The following DNAJC6 variants were observed in gnomAD, a reference collection of about 807,000 sequenced individuals.
The protein encoded by DNAJC6 is auxilin.
DNAJC6 carries 34 observed loss-of-function variants against 110.0 expected under a neutral mutation model. The ratio of observed to expected loss-of-function variants is 0.31; its 90% CI spans 0.24 to 0.41. The LOEUF (loss-of-function observed/expected upper bound fraction) is 0.41. Ranked by LOEUF, DNAJC6 falls within the 10% of genes least tolerant of loss-of-function variation. The pLI is 1.00. For missense variants in DNAJC6, 1,031 were observed against 1,207.8 expected (o/e 0.85, Z 2.17); for synonymous variants, 406 against 437.2 (o/e 0.93, Z 0.89).
chr1:65,284,235 A>G (rs1416740428), intron 1 of DNAJC6, among the ~76,000 whole-genome samples: 2 of 152,082 alleles, frequency 1.3e-5, no homozygotes, highest in African/African-American at 4.8e-5. Flanking sequence ...GTCTTCTCTC[A>G]GAGAGGACCT....
At chr1:65,402,893 ATAT>A (rs1296810847) in intron 15 of DNAJC6, among the ~76,000 whole-genome samples, 12 of 152,220 alleles carry the variant, frequency 7.9e-5, no homozygotes, top group Non-Finnish European at 1.5e-4. Flanking sequence ...TTTTAAAGTA[ATAT>A]TATATCAGAT....
intron 4 of DNAJC6, among the ~76,000 whole-genome samples, chr1:65,371,231 A>G (rs574259868): frequency 1.3e-5 from 2 of 152,298 alleles, no homozygotes; most frequent in Admixed American, 6.5e-5. Context: ...ATGAAGCCAT[A>G]TAGTGTATAC....
At chr1:65,329,157 T>G (rs1399733582) in intron 1 of DNAJC6, among the ~76,000 whole-genome samples, 1 of 152,356 alleles carries the variant, frequency 6.6e-6, no homozygotes, top group African/African-American at 2.4e-5. Flanking sequence ...CTTTTGATCC[T>G]GCCTGCACTT....
intron 1 of DNAJC6, among the ~76,000 whole-genome samples, chr1:65,355,450 C>T (rs1314822877): frequency 5.3e-5 from 8 of 152,058 alleles, no homozygotes; most frequent in Admixed American, 5.2e-4. Flanking sequence ...GTGGCCTCTG[C>T]CTGCCAGTGC....
In DNAJC6 at chr1:65,381,182, G is replaced by T. The variant is rs569799735; in HGVS notation, c.666+1658G>T. On this transcript the variant is annotated intron_variant, in intron 5 of 18. Transcript: ENST00000371069. Reference sequence around the variant, plus strand: ...TCTGCCCGCCTTGGCCTCCCAAAGTGCTGGGATTACAGGCGTGACCCCACC... The same window carrying T: ...TCTGCCCGCCTTGGCCTCCCAAAGTTCTGGGATTACAGGCGTGACCCCACC... Among the ~76,000 whole-genome samples, 3 of 151,922 alleles carry T rather than the reference G, an allele frequency of 2.0e-5. No individual in the cohort carries two copies. In the East Asian group the frequency reaches 5.8e-4, roughly 30 times the overall value.
In DNAJC6 at chr1:65,281,864, T is replaced by C. The variant is rs1653856822; in HGVS notation, c.-131+16932T>C. 1.3e-5 allele frequency among the ~76,000 whole-genome samples: 2 copies of C among 152,174 alleles called. 1 individual carries two copies. Among genetic ancestry groups the C allele is most frequent in the Non-Finnish European group, 2.9e-5 (2 of 68,032 alleles). On this transcript the variant is annotated intron_variant, in intron 1 of 19. Coordinates refer to the DNAJC6 transcript ENST00000263441. Reference sequence around the variant, plus strand: ...ACCTCATGATCCACCCACCTCGGCCTCCCAAAGTTCTGGGACCACGGGCGT... The same window carrying C: ...ACCTCATGATCCACCCACCTCGGCCCCCCAAAGTTCTGGGACCACGGGCGT...
At chr1:65,399,723 TG>T (rs1479207885) in intron 14 of DNAJC6, among the ~76,000 whole-genome samples, 1 of 152,186 alleles carries the variant, frequency 6.6e-6, no homozygotes, top group Non-Finnish European at 1.5e-5. Flanking sequence ...CACCAGCCCC[TG>T]GCCACCACCC....
At chr1:65,411,728 G>C (rs192356765) in intron 18 of DNAJC6, among the ~76,000 whole-genome samples, 20 of 48,222 alleles carry the variant, frequency 4.1e-4, no homozygotes, top group East Asian at 5.3e-3. Flanking sequence ...CAGCACTTTG[G>C]GGGGGGCAGG....
chr1:65,275,415 T>C (rs761503197), intron 1 of DNAJC6, among the ~76,000 whole-genome samples: 1 of 152,236 alleles, frequency 6.6e-6, no homozygotes, highest in Non-Finnish European at 1.5e-5. Context: ...TGTCTTCTGG[T>C]TTTCATCCTT....
chr1:65,350,697 G>A (rs1248337421), intron 1 of DNAJC6, among the ~76,000 whole-genome samples: 4 of 152,156 alleles, frequency 2.6e-5, no homozygotes, highest in Non-Finnish European at 5.9e-5. Context: ...TTTCAACTTA[G>A]TCCTAGGAAT....
chr1:65,308,350 C>T (rs1357888387), upstream of DNAJC6, among the ~76,000 whole-genome samples: 1 of 152,104 alleles, frequency 6.6e-6, no homozygotes, highest in Admixed American at 6.6e-5. Flanking sequence ...CTCACTTAGT[C>T]CCTCCAAGTT....
chr1:65,415,448 CAACACACA>C lies in DNAJC6; in HGVS notation c.*2424_*2431del. The C allele has an allele frequency of 1.5e-5, 1 of 67,208 alleles. No individual in the cohort carries two copies. Among genetic ancestry groups the C allele is most frequent in the East Asian group, 5.6e-4 (1 of 1,780 alleles). The allele number at this position is 67,208 out of a possible 1,614,324, so 4.2% of individuals were successfully genotyped here. Reference sequence around the variant, plus strand: ...GATTTATACGTAATCACTCCTGCCCCAACACACACACACACACACACACACACACACAC... The same window carrying C: ...GATTTATACGTAATCACTCCTGCCCCCACACACACACACACACACACACAC... On this transcript the variant is annotated 3_prime_UTR_variant, in exon 19 of 19. Transcript: ENST00000371069.
intron 13 of DNAJC6, among the ~76,000 whole-genome samples, chr1:65,398,542 G>C (rs1057405228): frequency 1.3e-5 from 2 of 152,152 alleles, no homozygotes; most frequent in African/African-American, 4.8e-5. Flanking sequence ...AAAGCGTGTG[G>C]ATATGGAGGT....
intron 1 of DNAJC6, among the ~76,000 whole-genome samples, chr1:65,316,354 C>T (rs928681355): frequency 6.6e-6 from 1 of 152,198 alleles, no homozygotes; most frequent in African/African-American, 2.4e-5. Context: ...ATTCATTCTT[C>T]AGGGTTTAGC....
intron 14 of DNAJC6, among the ~76,000 whole-genome samples, chr1:65,399,901 TGGGGCGTG>T (rs1646014264): frequency 6.6e-6 from 1 of 152,128 alleles, no homozygotes; most frequent in African/African-American, 2.4e-5. Flanking sequence ...TTTTTTTGGC[TGGGGCGTG>T]GTGGCTCACG....
chr1:65,413,030 T>C lies in DNAJC6; in HGVS notation c.*5T>C. The C allele has an allele frequency of 1.2e-6, 2 of 1,612,752 alleles. No individual in the cohort carries two copies. The highest frequency in any genetic ancestry group is 1.7e-6 in the Non-Finnish European group (2 of 1,178,932). On this transcript the variant is annotated 3_prime_UTR_variant, in exon 19 of 19. Transcript: ENST00000371069. Reference sequence around the variant, plus strand: ...GGCCAAAAGCCCTTATATTAATTTATGAGCTTTTCCATCTCTGCTGCAGAC... The same window carrying C: ...GGCCAAAAGCCCTTATATTAATTTACGAGCTTTTCCATCTCTGCTGCAGAC...
chr1:65,384,097 CCT>C, intron 5 of DNAJC6, 94 bp from the exon 6 acceptor site: 1 of 1,310,916 alleles, frequency 7.6e-7, no homozygotes, highest in Non-Finnish European at 9.9e-7. Flanking sequence ...GAGGATTTCT[CCT>C]CTCTCTGTCT....
intron 1 of DNAJC6, among the ~76,000 whole-genome samples, chr1:65,317,539 A>G (rs561948810): frequency 6.6e-6 from 1 of 152,366 alleles, no homozygotes; most frequent in Admixed American, 6.5e-5. Flanking sequence ...AATTAAAATT[A>G]AAATGCGTGT....
At chr1:65,391,618 G>A (rs1442250818) in intron 11 of DNAJC6, among the ~76,000 whole-genome samples, 2 of 152,110 alleles carry the variant, frequency 1.3e-5, no homozygotes, top group Non-Finnish European at 2.9e-5. Context: ...AGTGAGAAGT[G>A]TCAGCAAATG....
Sources: gnomAD v4.1 joint callset for allele counts (sites outside exome capture counted in the v4.1 genomes callset) on GRCh38, gnomAD v4.1.1 for gene constraint, MANE v1.5 for transcripts, NCBI Gene and HGNC (gene_info 2026-07-23, HGNC 2026-07-21) for gene names.